Variants in ARAP3 observed in about 807,000 individuals in gnomAD.
ARAP3 encodes arf-GAP with Rho-GAP domain, ANK repeat and PH domain-containing protein 3.
In ARAP3, 82 loss-of-function variants were observed where a neutral mutation model predicts 169.2. The observed-to-expected ratio is 0.48, with a 90% CI of 0.41 to 0.58. The LOEUF (loss-of-function observed/expected upper bound fraction) is 0.58, where lower values mean the gene tolerates loss of function less well. ARAP3 is among the 20% of genes least tolerant of loss of function. ARAP3 has a pLI of 0.00. For synonymous variants in ARAP3, 791 were observed against 800.3 expected, an observed-to-expected ratio of 0.99 and a Z score of 0.20; for missense variants, 1,764 against 2,018.0, an observed-to-expected ratio of 0.87 and a Z score of 2.41.
chr5:141,674,040 C>T (rs1271914326), intron 4 of ARAP3, among the ~76,000 whole-genome samples: 8 of 147,802 alleles, frequency 5.4e-5, no homozygotes, highest in Non-Finnish European at 1.0e-4. Context: ...CTCGGCTCAC[C>T]ACAACCTCCA....
At position 141,672,919 on chromosome 5, in the gene ARAP3, C is replaced by T. The variant is rs997334135; in HGVS notation, c.1100G>A (p.Arg367Gln). 13 of 1,610,596 alleles carry T rather than the reference C, an allele frequency of 8.1e-6. No individual in the cohort carries two copies. Among genetic ancestry groups the T allele is most frequent in the African/African-American group, 6.7e-5 (5 of 74,888 alleles). ...FVFRTESEAQ[R>Q]DMWCSTLQSC... The stretch of plus-strand genomic sequence containing the variant: ...CTGCAGCGTGGAGCACCACATGTCC[C>T]GCTGAGCTGGTGGGGATGGAGAAGC... Residue 367 changes from arginine to glutamine, a missense_variant, in exon 8 of 33, where the codon CGG (arginine) becomes CAG (glutamine). Transcript: ENST00000239440. The surrounding 1 kb of genome is among the most constrained non-coding windows in gnomAD (Gnocchi z 4.9).
At position 141,665,254 on chromosome 5, in the gene ARAP3, G is replaced by A. The variant is rs1190598030; in HGVS notation, c.2636+57C>T. ...CAATGGCCCAGCAGGCCAGGTTGCAGAGTATGGGCTCTGCTCCAGGAAGGG... is the reference window on the plus strand; with the variant it reads ...CAATGGCCCAGCAGGCCAGGTTGCAAAGTATGGGCTCTGCTCCAGGAAGGG... On this transcript the variant is annotated intron_variant, in intron 18 of 32. Transcript: ENST00000239440. 6.2e-6 allele frequency: 10 copies of A among 1,602,146 alleles called. No individual in the cohort carries two copies. The African/African-American group carries it at 1.3e-4, about 22-fold the overall frequency.
Position 141,671,337 on chromosome 5 carries a change from CA to C in ARAP3, c.1917del (p.Glu640ArgfsTer101). 6.2e-7 allele frequency: 1 copy of C among 1,613,766 alleles called. No homozygotes were observed. Among genetic ancestry groups the C allele is most frequent in the Non-Finnish European group, 8.5e-7 (1 of 1,179,874 alleles). ...LLKNMTQLLCVEAFEGEEPWF... is the reference protein window; with the variant it reads ...LLKNMTQLLCXEAFEGEEPWF... ...CAGGGCTCCTCGCCTTCAAAGGCCT[CA>C]ACACAGAGGAGCTGGGTCATGTTCT... On this transcript the variant is annotated frameshift_variant, in exon 13 of 33. Transcript: ENST00000239440. LOFTEE classifies it high-confidence loss of function. The surrounding 1 kb of genome is among the most constrained non-coding windows in gnomAD (Gnocchi z 4.9).
Position 141,659,411 on chromosome 5 carries a change from C to G in ARAP3, c.3333G>C (p.Val1111=), listed in dbSNP as rs1300398646. The G allele has an allele frequency of 2.5e-6, 4 of 1,613,964 alleles. No individual in the cohort carries two copies. The highest frequency in any genetic ancestry group is 3.4e-6 in the Non-Finnish European group (4 of 1,179,926). Residue 1111 remains valine (V), a synonymous_variant, in exon 23 of 33, where the codon GTG becomes GTC. Coordinates refer to ENST00000239440, the MANE Select transcript of ARAP3 (RefSeq NM_022481.6). ...EVSLITTWKD[V]QLSQAGDLIM... ...GACTAAGGTCAGGACGAGTTACCTG[C>G]ACGTCCTTCCAGGTGGTGATAAGAC...
Position 141,673,038 on chromosome 5 carries a change from C to G in ARAP3, c.1068G>C (p.Val356=). ...CCTCGCTCTCTGTGCGGAACACGAA[C>G]ACCCTCTGGCCGGTGATGACCTGGA... is the stretch of plus-strand genomic sequence containing the variant. ...NKFQVITGQR[V]FVFRTESEAQ... Residue 356 remains valine (V), a synonymous_variant, in exon 7 of 33, where the codon GTG becomes GTC. Coordinates refer to ENST00000239440, the MANE Select transcript of ARAP3 (RefSeq NM_022481.6). 1 of 1,614,196 alleles carries G rather than the reference C, an allele frequency of 6.2e-7. No homozygotes were observed. Among genetic ancestry groups the G allele is most frequent in the Non-Finnish European group, 8.5e-7 (1 of 1,180,028 alleles).
chr5:141,677,654 G>T (rs10070702), intron 4 of ARAP3, among the ~76,000 whole-genome samples: 89,991 of 152,080 alleles, frequency 0.59, 27,293 homozygotes, highest in South Asian at 0.71. Context: ...ATAGCAACCA[G>T]GGGGATCCCT....
At chr5:141,665,943 A>G (rs1424790167) in intron 17 of ARAP3, among the ~76,000 whole-genome samples, 3 of 150,824 alleles carry the variant, frequency 2.0e-5, no homozygotes, top group African/African-American at 4.9e-5. Context: ...AGGCAGGAGA[A>G]TTGCTTGAAC....
chr5:141,671,499 T>G lies in ARAP3; in HGVS notation c.1854+71A>C. The G allele has an allele frequency of 6.2e-7, 1 of 1,608,130 alleles. No individual in the cohort carries two copies. On this transcript the variant is annotated intron_variant, in intron 12 of 32. Transcript: ENST00000239440. The surrounding 1 kb of genome is among the most constrained non-coding windows in gnomAD (Gnocchi z 4.9). ...AAAAACAGTCCCCACCACCCAAGTC[T>G]AGGCATTCCAACTCCAGAGAGTGTT...
In ARAP3 at chr5:141,673,606, CCT is replaced by C. The variant is rs2099911743; in HGVS notation, c.899_900del (p.Gln300ArgfsTer23). 1 of 1,613,888 alleles carries C rather than the reference CCT, an allele frequency of 6.2e-7. No individual in the cohort carries two copies. The highest frequency in any genetic ancestry group is 1.1e-5 in the South Asian group (1 of 91,066). ...LSGWLDKLSPQGNYVFQRRFV... is the reference protein window; with the variant it reads ...LSGWLDKLSPXGNYVFQRRFV... ...CTCCCTTCCCCTCCCAGCACCCACC[CCT>C]GAGGGGAGAGCTTGTCTAGCCAGCC... On this transcript the variant is annotated frameshift_variant and splice_region_variant, in exon 5 of 33. Coordinates refer to ENST00000239440, the MANE Select transcript of ARAP3 (RefSeq NM_022481.6). LOFTEE classifies it high-confidence loss of function.
In ARAP3 at chr5:141,661,780, T is replaced by C. The variant is rs1327755083; in HGVS notation, c.3023A>G (p.Gln1008Arg). 1.2e-6 allele frequency: 2 copies of C among 1,614,076 alleles called. No individual in the cohort carries two copies. Among genetic ancestry groups the C allele is most frequent in the East Asian group, 4.5e-5 (2 of 44,892 alleles). The part of the protein sequence containing the change: ...PRWREAAELP[Q>R]KNQRLEKYKD... ...ATATTTCTCCAGGCGCTGATTCTTC[T>C]GGGGCAGCTCTGGGGATGGAATGGA... is the stretch of plus-strand genomic sequence containing the variant. The change falls in exon 21 of 33, where the codon CAG (glutamine) becomes CGG (arginine). Residue 1008 changes from glutamine to arginine, a missense_variant. By Grantham distance (43) the Gln-to-Arg change is conservative. Coordinates refer to ENST00000239440, the MANE Select transcript of ARAP3 (RefSeq NM_022481.6).
At chr5:141,675,192 G>T (rs560647350) in intron 4 of ARAP3, among the ~76,000 whole-genome samples, 8 of 152,190 alleles carry the variant, frequency 5.3e-5, no homozygotes, top group African/African-American at 1.9e-4. Context: ...CATCCTTCAG[G>T]TCTTTGCTTA....
Position 141,680,465 on chromosome 5 carries a change from C to A in ARAP3, c.22G>T (p.Asp8Tyr). Residue 8 changes from aspartate to tyrosine, a missense_variant, in exon 2 of 33, where the codon GAC (aspartate) becomes TAC (tyrosine). Asp to Tyr is a radical substitution (Grantham distance 160). Coordinates refer to ENST00000239440, the MANE Select transcript of ARAP3 (RefSeq NM_022481.6). MAAPQDL[D>Y]IAVWLATVHL... Reference sequence around the variant, plus strand: ...ACCGTGGCCAGCCACACAGCGATGTCCAGGTCCTGAGGGGCAGCCATGGGG... The same window carrying A: ...ACCGTGGCCAGCCACACAGCGATGTACAGGTCCTGAGGGGCAGCCATGGGG... 1.2e-6 allele frequency: 2 copies of A among 1,603,064 alleles called. No individual in the cohort carries two copies. The highest frequency in any genetic ancestry group is 2.2e-5 in the South Asian group (2 of 90,818).
At chr5:141,680,576 G>C in intron 1 of ARAP3, 73 bp from the exon 2 acceptor site, 5 of 1,462,270 alleles carry the variant, frequency 3.4e-6, no homozygotes, top group Non-Finnish European at 3.6e-6. Context: ...TCTGAGGCCT[G>C]GACAGTGAGC....
At position 141,658,383 on chromosome 5, in the gene ARAP3, G is replaced by T. The variant is rs1318926927; in HGVS notation, c.3508C>A (p.Arg1170Ser). The T allele has an allele frequency of 1.2e-6, 2 of 1,613,328 alleles. No homozygotes were observed. The highest frequency in any genetic ancestry group is 4.5e-5 in the East Asian group (2 of 44,880). ...GMDLWVTFEIREHGELERPLH... is the reference protein window; with the variant it reads ...GMDLWVTFEISEHGELERPLH... The stretch of plus-strand genomic sequence containing the variant: ...TACTCACCCAGCTCCCCATGCTCGC[G>T]AATCTCAAAAGTCACCCACAAGTCC... Residue 1170 changes from arginine to serine, a missense_variant, in exon 25 of 33, where the codon CGC becomes AGC. Arg to Ser is a moderately radical substitution (Grantham distance 110). Around this residue, in one of 3 missense-constraint regions of ARAP3, gnomAD observed 1,112 missense variants for 1,285.7 expected, o/e 0.86. Transcript: ENST00000239440.
chr5:141,670,010 C>G lies in ARAP3; in HGVS notation c.2161G>C (p.Glu721Gln), dbSNP rs772877568. ...LGAALEMFASENSPEPLSLIQ... is the reference protein window; with the variant it reads ...LGAALEMFASQNSPEPLSLIQ... ...AGGCTGAGGGGTTCAGGGCTGTTTTCCGATGCAAACATTTCCAGAGCTGCT... is the reference window on the plus strand; with the variant it reads ...AGGCTGAGGGGTTCAGGGCTGTTTTGCGATGCAAACATTTCCAGAGCTGCT... Residue 721 changes from glutamate to glutamine, a missense_variant, in exon 15 of 33, where the codon GAA becomes CAA. By Grantham distance (29) the Glu-to-Gln change is conservative. Transcript: ENST00000239440. 3 of 1,597,528 alleles carry G rather than the reference C, an allele frequency of 1.9e-6. No homozygotes were observed. In the African/African-American group the frequency reaches 4.1e-5, roughly 22 times the overall value.
At chr5:141,656,441 G>A (rs992745207) in intron 27 of ARAP3, 63 bp downstream of exon 27, 8 of 1,585,442 alleles carry the variant, frequency 5.0e-6, no homozygotes, top group African/African-American at 1.3e-5. Context: ...CAGAGGGTGG[G>A]TGCAGTCATG....
Position 141,671,719 on chromosome 5 carries a change from G to T in ARAP3, c.1705C>A (p.Arg569Ser), listed in dbSNP as rs188329291. Residue 569 changes from arginine (R) to serine (S), a missense_variant, in exon 12 of 33, where the codon CGC becomes AGC. Physicochemically the swap from Arg to Ser is moderately radical, Grantham distance 110. Coordinates refer to ENST00000239440, the MANE Select transcript of ARAP3 (RefSeq NM_022481.6). The surrounding 1 kb of genome is among the most constrained non-coding windows in gnomAD (Gnocchi z 4.9). ...GGGGGTAGGGTCCCTGCCCAGAAGC[G>T]GTTGGCACGATCATTTCCCAGGACA... Reference protein sequence around the residue: ...FIVLGNDRANRFWAGTLPPGE... With the variant: ...FIVLGNDRANSFWAGTLPPGE... 2 of 1,606,666 alleles carry T rather than the reference G, an allele frequency of 1.2e-6. No individual in the cohort carries two copies. The highest frequency in any genetic ancestry group is 1.7e-6 in the Non-Finnish European group (2 of 1,176,194).
In ARAP3 at chr5:141,669,710, T is replaced by C. The variant is rs769191640; in HGVS notation, c.2351A>G (p.Lys784Arg). Residue 784 changes from lysine to arginine, a missense_variant and splice_region_variant, in exon 16 of 33, where the codon AAG (lysine) becomes AGG (arginine). By Grantham distance (26) the Lys-to-Arg change is conservative. Coordinates refer to ENST00000239440, the MANE Select transcript of ARAP3 (RefSeq NM_022481.6). ...GCAGAGGGCGCTCTCCTGTCTCACC[T>C]TGCCCACAGCACTAGTCCAGGCCTC... Reference protein sequence around the residue: ...SLEAWTSAVGKWFSPLSCHQL... With the variant: ...SLEAWTSAVGRWFSPLSCHQL... 6.2e-7 allele frequency: 1 copy of C among 1,613,866 alleles called. No individual in the cohort carries two copies. Among genetic ancestry groups the C allele is most frequent in the Non-Finnish European group, 8.5e-7 (1 of 1,179,904 alleles).
At chr5:141,666,848 G>C in intron 16 of ARAP3, 1 of 414,996 alleles carries the variant, frequency 2.4e-6, no homozygotes, top group Non-Finnish European at 4.2e-6. Flanking sequence ...AGACAGGAAA[G>C]AAATTCAATT....
Sources: allele counts gnomAD v4.1 joint callset (sites outside exome capture counted in the v4.1 genomes callset), GRCh38; gene constraint gnomAD v4.1.1; regional missense constraint gnomAD v4.1.1; non-coding constraint Gnocchi (gnomAD v3.1); transcripts MANE v1.5; gene names NCBI Gene and HGNC (gene_info 2026-07-23, HGNC 2026-07-21).